GPAT4: variants seen among roughly 807,000 people sequenced by gnomAD.
GPAT4 encodes the protein 1-AGP acyltransferase 6.
A neutral mutation model predicts 58.0 loss-of-function variants in GPAT4; 17 were observed. That is an observed-to-expected ratio of 0.29 (90% CI 0.20 to 0.44). GPAT4 has a LOEUF of 0.44. Among genes scored for constraint, GPAT4 ranks in the 20% least tolerant of loss-of-function variants. The pLI is 1.00. For missense variants in GPAT4, 377 were observed against 574.5 expected (o/e 0.66, Z 3.51); for synonymous variants, 204 against 210.1 (o/e 0.97, Z 0.25).
intron 1 of GPAT4, among the ~76,000 whole-genome samples, chr8:41,582,894 A>C (rs868611475): frequency 9.2e-5 from 14 of 152,170 alleles, no homozygotes; most frequent in Admixed American, 5.2e-4. Flanking sequence ...TGTGTTGGGA[A>C]CATTTCAAAT....
At chr8:41,581,663 C>G (rs1434741603) in intron 1 of GPAT4, among the ~76,000 whole-genome samples, 1 of 137,342 alleles carries the variant, frequency 7.3e-6, no homozygotes, top group Admixed American at 7.7e-5. Context: ...GAGTCTTGCT[C>G]TGTCGCCCAG....
intron 8 of GPAT4, among the ~76,000 whole-genome samples, chr8:41,613,903 G>C (rs924657996): frequency 1.3e-5 from 2 of 152,214 alleles, no homozygotes; most frequent in African/African-American, 2.4e-5. Context: ...GCAACACAGG[G>C]AGACCCTGTC....
chr8:41,614,131 T>C (rs916140983), intron 8 of GPAT4, among the ~76,000 whole-genome samples: 1 of 152,188 alleles, frequency 6.6e-6, no homozygotes, highest in African/African-American at 2.4e-5. Flanking sequence ...GCCCCCAGGT[T>C]GAGTGGCATC....
At chr8:41,606,365 T>C (rs1024328191) in intron 2 of GPAT4, among the ~76,000 whole-genome samples, 3 of 152,154 alleles carry the variant, frequency 2.0e-5, no homozygotes, top group African/African-American at 4.8e-5. Context: ...TGGTGCCTGC[T>C]GAAGATTTGC....
At position 41,623,805 on chromosome 8, in the gene GPAT4, AAACAT is replaced by A. The variant is rs1803829833; in HGVS notation, c.*2805_*2809del. 6.6e-6 allele frequency: 1 copy of A among 151,562 alleles called. No individual in the cohort carries two copies. The allele number at this position is 151,562 out of a possible 1,614,324, so 9.4% of individuals were successfully genotyped here. A position where few individuals can be genotyped will look rare whatever the true frequency, so the allele number is the denominator to read the frequency against. On this transcript the variant is annotated 3_prime_UTR_variant, in exon 13 of 13. Transcript: ENST00000396987. ...GGTTCTCAGACAGCCTTTTTTACTC[AAACAT>A]GAGACTTTCCACCCACCAGTTAGGG...
chr8:41,607,504 T>A (rs1165193239), intron 2 of GPAT4, among the ~76,000 whole-genome samples: 1 of 151,846 alleles, frequency 6.6e-6, no homozygotes, highest in Non-Finnish European at 1.5e-5. Flanking sequence ...TCTCATGGAG[T>A]ATCAGAATTG....
chr8:41,624,635 G>A lies in GPAT4; in HGVS notation c.*3634G>A, dbSNP rs1803860049. 6.6e-6 allele frequency: 1 copy of A among 152,154 alleles called. No homozygotes were observed. The highest frequency in any genetic ancestry group is 6.5e-5 in the Admixed American group (1 of 15,276). The allele number at this position is 152,154 out of a possible 1,614,324, so 9.4% of individuals were successfully genotyped here. A position where few individuals can be genotyped will look rare whatever the true frequency, so the allele number is the denominator to read the frequency against. On this transcript the variant is annotated 3_prime_UTR_variant, in exon 13 of 13. Transcript: ENST00000396987. ...CTGCCTCGCGGACAGGTTAGGATAT[G>A]GCCACGCAGCCATCCATCTTCTACA...
rs1803770349 is a variant in GPAT4, at chr8:41,622,134, C to A, written c.*1133C>A. On this transcript the variant is annotated 3_prime_UTR_variant, in exon 13 of 13. Coordinates refer to ENST00000396987, the MANE Select transcript of GPAT4 (RefSeq NM_178819.4). ...GAATTTCCAGCACAGACGTGGATTT[C>A]TCCAGAGACGGGGTGTGTGCGGGTC... is the stretch of plus-strand genomic sequence containing the variant. 1 of 152,120 alleles carries A rather than the reference C, an allele frequency of 6.6e-6. No individual in the cohort carries two copies. Among genetic ancestry groups the A allele is most frequent in the Non-Finnish European group, 1.5e-5 (1 of 68,078 alleles). 9.4% of individuals were successfully genotyped at this position (152,120 alleles called of 1,614,324 possible).
At position 41,624,435 on chromosome 8, in the gene GPAT4, A is replaced by G. The variant is rs1803851813; in HGVS notation, c.*3434A>G. ...TGCCATTTCCTTCCTGGAATTGGCCAGGAACTTGATTTTCTGGGCTATTGC... is the reference window on the plus strand; with the variant it reads ...TGCCATTTCCTTCCTGGAATTGGCCGGGAACTTGATTTTCTGGGCTATTGC... On this transcript the variant is annotated 3_prime_UTR_variant, in exon 13 of 13. Transcript: ENST00000396987. 1 of 152,224 alleles carries G rather than the reference A, an allele frequency of 6.6e-6. No individual in the cohort carries two copies. The highest frequency in any genetic ancestry group is 1.5e-5 in the Non-Finnish European group (1 of 68,074). The allele number at this position is 152,224 out of a possible 1,614,324, so 9.4% of individuals were successfully genotyped here.
chr8:41,595,325 C>CTTTTTT (rs61465079), intron 1 of GPAT4, among the ~76,000 whole-genome samples: 8 of 73,812 alleles, frequency 1.1e-4, no homozygotes, highest in East Asian at 3.9e-4. Context: ...TTAAATCTTC[C>CTTTTTT]TTTTTTTTTT....
intron 12 of GPAT4, among the ~76,000 whole-genome samples, chr8:41,619,786 G>T (rs949996983): frequency 6.6e-6 from 1 of 152,210 alleles, no homozygotes; most frequent in Non-Finnish European, 1.5e-5. Context: ...AATTCACATT[G>T]TAAACCCAAC....
chr8:41,611,610 T>C (rs1803446827), intron 5 of GPAT4, among the ~76,000 whole-genome samples: 1 of 152,220 alleles, frequency 6.6e-6, no homozygotes, highest in Non-Finnish European at 1.5e-5. Flanking sequence ...TGCCTCTGGA[T>C]GTTGACTGGG....
intron 4 of GPAT4, 39 bp downstream of exon 4, chr8:41,609,994 A>C (rs776375117): frequency 1.3e-6 from 2 of 1,560,868 alleles, no homozygotes; most frequent in South Asian, 2.5e-5. Flanking sequence ...CGCTGCTGCC[A>C]CCCCACGTGG....
chr8:41,612,109 T>G (rs1397371123), intron 6 of GPAT4, 71 bp from the exon 7 acceptor site: 5 of 1,587,170 alleles, frequency 3.2e-6, no homozygotes, highest in Non-Finnish European at 4.3e-6. Flanking sequence ...ATGAAGCATG[T>G]GAGGTGAGAG....
Position 41,621,010 on chromosome 8 carries a change from C to G in GPAT4, c.*9C>G, listed in dbSNP as rs1170023952. On this transcript the variant is annotated 3_prime_UTR_variant, in exon 13 of 13. Transcript: ENST00000396987. ...ACAGGAGCCGCTCCTGAGCCTGCCTCCAGCTGGCTGGGGCCACCGTGCGGG... is the reference window on the plus strand; with the variant it reads ...ACAGGAGCCGCTCCTGAGCCTGCCTGCAGCTGGCTGGGGCCACCGTGCGGG... 2 of 1,550,780 alleles carry G rather than the reference C, an allele frequency of 1.3e-6. No individual in the cohort carries two copies. Among genetic ancestry groups the G allele is most frequent in the Non-Finnish European group, 1.7e-6 (2 of 1,147,010 alleles).
chr8:41,610,706 G>A, intron 4 of GPAT4, 30 bp from the exon 5 acceptor site: 1 of 1,595,496 alleles, frequency 6.3e-7, no homozygotes, highest in Non-Finnish European at 8.5e-7. Flanking sequence ...TGATTTGCTG[G>A]CTGTGCTCTA....
At chr8:41,600,127 CT>C (rs946123984) in intron 2 of GPAT4, among the ~76,000 whole-genome samples, 2 of 149,040 alleles carry the variant, frequency 1.3e-5, no homozygotes, top group Admixed American at 6.8e-5. Context: ...CAACCCCTGC[CT>C]CCCGGGTTCA....
intron 2 of GPAT4, among the ~76,000 whole-genome samples, chr8:41,601,540 G>GT (rs1803098868): frequency 6.6e-6 from 1 of 152,150 alleles, no homozygotes; most frequent in African/African-American, 2.4e-5. Flanking sequence ...GTGGTGTCTG[G>GT]TGTCTAGTGT....
rs9643885 is a variant in GPAT4 at position 41,602,495 on chromosome 8, T to C, written c.165+3191T>C. Among the ~76,000 whole-genome samples the C allele has an allele frequency of 5.9e-4, 89 of 152,024 alleles. No homozygotes were observed. In the East Asian group the frequency reaches 0.014, roughly 23 times the overall value. ...GGCGTATTCCTGCAGGGGCCTGGGG[T>C]GCTCCGGAAGAGTGCTGGTCTTTTT... On this transcript the variant is annotated intron_variant, in intron 2 of 12. Coordinates refer to ENST00000396987, the MANE Select transcript of GPAT4 (RefSeq NM_178819.4).
Sources: allele counts gnomAD v4.1 joint callset (sites outside exome capture counted in the v4.1 genomes callset), GRCh38; gene constraint gnomAD v4.1.1; transcripts MANE v1.5; gene names NCBI Gene and HGNC (gene_info 2026-07-23, HGNC 2026-07-21).